RABGAP1: variants seen among roughly 807,000 people sequenced by gnomAD.
RABGAP1 encodes rab GTPase-activating protein 1.
In RABGAP1, 23 loss-of-function variants were observed where a neutral mutation model predicts 137.6. The ratio of observed to expected loss-of-function variants is 0.17; its 90% CI spans 0.12 to 0.24. The LOEUF (loss-of-function observed/expected upper bound fraction) is 0.24, where lower values mean the gene tolerates loss of function less well. Among genes scored for constraint, RABGAP1 ranks in the 10% least tolerant of loss-of-function variants. The pLI is 1.00. For synonymous variants in RABGAP1, 451 were observed against 450.7 expected, an observed-to-expected ratio of 1.00 and a Z score of -0.01; for missense variants, 906 against 1,275.8, an observed-to-expected ratio of 0.71 and a Z score of 4.42.
chr9:122,932,376 T>C, the RABGAP1 span, among the ~76,000 whole-genome samples: 110 of 150,426 alleles, frequency 7.3e-4, no homozygotes, highest in Admixed American at 2.9e-3. Flanking sequence ...TGTGAGCCAC[T>C]GCTCCCAGCC....
chr9:123,025,720 G>T (rs2031924233), intron 13 of RABGAP1, among the ~76,000 whole-genome samples: 1 of 151,518 alleles, frequency 6.6e-6, no homozygotes, highest in Non-Finnish European at 1.5e-5. Flanking sequence ...AAAAGAGAGT[G>T]ATTTTTACAT....
chr9:123,065,323 C>G, intron 13 of RABGAP1, 25 bp from the exon 14 acceptor site: 1 of 1,506,654 alleles, frequency 6.6e-7, no homozygotes, highest in Non-Finnish European at 9.2e-7. Context: ...CTAACTAAAC[C>G]CTCTCTTTCC....
At chr9:123,046,515 C>G (rs1441580908) in intron 13 of RABGAP1, among the ~76,000 whole-genome samples, 1 of 152,132 alleles carries the variant, frequency 6.6e-6, no homozygotes, top group African/African-American at 2.4e-5. Flanking sequence ...CACTTACTAG[C>G]TGTGAGACCT....
At chr9:122,945,552 A>G (rs573475921) in intron 1 of RABGAP1, 3 of 152,316 alleles carry the variant, frequency 2.0e-5, no homozygotes, top group Admixed American at 6.5e-5. Context: ...CCTGCCTGAC[A>G]TTAAATAGTA....
chr9:123,019,800 C>T (rs2031498345), intron 12 of RABGAP1, among the ~76,000 whole-genome samples: 1 of 152,162 alleles, frequency 6.6e-6, no homozygotes, highest in South Asian at 2.1e-4. Flanking sequence ...AGCAGTTCTT[C>T]TGCCTCAGTC....
upstream of RABGAP1, among the ~76,000 whole-genome samples, chr9:122,940,657 C>T (rs1455123482): frequency 2.0e-5 from 3 of 152,178 alleles, no homozygotes; most frequent in Admixed American, 6.5e-5. Context: ...CAGGGGGATT[C>T]CTTGCTCAAG....
chr9:122,984,540 T>C lies in RABGAP1; in HGVS notation c.206T>C (p.Met69Thr), dbSNP rs369161056. Residue 69 changes from methionine (M) to threonine (T), a missense_variant, in exon 3 of 26, where the codon ATG (methionine) becomes ACG (threonine). Coordinates refer to ENST00000373647, the MANE Select transcript of RABGAP1 (RefSeq NM_012197.4). Reference sequence around the variant, plus strand: ...CAAAAAGAGCTAGCAGATGTACTGATGGATCCTCCAATGGACGACCAGCCA... The same window carrying C: ...CAAAAAGAGCTAGCAGATGTACTGACGGATCCTCCAATGGACGACCAGCCA... ...QLQKELADVL[M>T]DPPMDDQPGE... 11 of 1,614,058 alleles carry C rather than the reference T, an allele frequency of 6.8e-6. No individual in the cohort carries two copies. The African/African-American group carries it at 1.3e-4, about 20-fold the overall frequency.
intron 12 of RABGAP1, among the ~76,000 whole-genome samples, chr9:123,019,517 A>G (rs1388668216): frequency 1.3e-5 from 2 of 151,988 alleles, no homozygotes; most frequent in Admixed American, 6.6e-5. Context: ...TTCTTGCTAT[A>G]TTACCTAGGC....
intron 10 of RABGAP1, among the ~76,000 whole-genome samples, chr9:123,006,304 C>T (rs962470052): frequency 1.3e-5 from 2 of 152,174 alleles, no homozygotes; most frequent in African/African-American, 4.8e-5. Context: ...TTCTGTTACT[C>T]TCCTGTTACT....
intron 13 of RABGAP1, among the ~76,000 whole-genome samples, chr9:123,057,338 G>A (rs1035326330): frequency 2.0e-5 from 3 of 149,122 alleles, no homozygotes; most frequent in African/African-American, 4.9e-5. Context: ...TTCTCAGACG[G>A]GGCGGCCGGG....
chr9:122,960,280 G>A (rs756996722), intron 2 of RABGAP1, among the ~76,000 whole-genome samples: 4 of 152,136 alleles, frequency 2.6e-5, no homozygotes, highest in Non-Finnish European at 5.9e-5. Flanking sequence ...TTAGACTATG[G>A]AACAGTTTAT....
At chr9:122,932,535 T>C in the RABGAP1 span, among the ~76,000 whole-genome samples, 1 of 151,078 alleles carries the variant, frequency 6.6e-6, no homozygotes. Context: ...CTTCTTTTTT[T>C]TTCTTTTTTT....
At chr9:123,088,679 G>A (rs1177045824) in intron 19 of RABGAP1, among the ~76,000 whole-genome samples, 1 of 152,072 alleles carries the variant, frequency 6.6e-6, no homozygotes, top group Non-Finnish European at 1.5e-5. Context: ...TAGAGATCCT[G>A]TCTCAAAGAG....
chr9:122,991,473 C>T (rs1836716814), intron 6 of RABGAP1, among the ~76,000 whole-genome samples: 1 of 152,092 alleles, frequency 6.6e-6, no homozygotes, highest in African/African-American at 2.4e-5. Context: ...TTTAGTCTTT[C>T]TTCAGACTTT....
intron 13 of RABGAP1, among the ~76,000 whole-genome samples, chr9:123,044,649 G>GTGTA (rs1403641318): frequency 1.1e-4 from 16 of 151,990 alleles, no homozygotes; most frequent in Non-Finnish European, 1.5e-4. Context: ...GTGTGTGTGT[G>GTGTA]TGTGTATGTG....
chr9:123,097,657 C>G (rs2035223341), intron 21 of RABGAP1, 84 bp from the exon 22 acceptor site: 1 of 1,182,386 alleles, frequency 8.5e-7, no homozygotes, highest in Admixed American at 2.3e-5. Flanking sequence ...TCCCCATCAT[C>G]TTAAAATGGG....
chr9:122,994,721 G>A (rs1366807618), intron 6 of RABGAP1, among the ~76,000 whole-genome samples: 1 of 152,174 alleles, frequency 6.6e-6, no homozygotes, highest in Non-Finnish European at 1.5e-5. Context: ...ATACAATTTA[G>A]ATTTTTTGCA....
chr9:123,004,599 A>G (rs1172782772), intron 10 of RABGAP1, among the ~76,000 whole-genome samples: 2 of 152,096 alleles, frequency 1.3e-5, no homozygotes, highest in East Asian at 3.9e-4. Flanking sequence ...TAATTAACTA[A>G]TATTTTTAGT....
intron 6 of RABGAP1, among the ~76,000 whole-genome samples, chr9:122,992,239 G>A (rs915802600): frequency 5.3e-5 from 8 of 152,000 alleles, no homozygotes; most frequent in Non-Finnish European, 1.0e-4. Context: ...GGGTTTCGCC[G>A]TGTTGGCCAG....
Sources: allele counts gnomAD v4.1 joint callset (sites outside exome capture counted in the v4.1 genomes callset), GRCh38; gene constraint gnomAD v4.1.1; transcripts MANE v1.5; gene names NCBI Gene and HGNC (gene_info 2026-07-23, HGNC 2026-07-21).